Variants in POLN observed in about 807,000 individuals in gnomAD.
The protein encoded by POLN is DNA polymerase nu, also known as DNA polymerase N.
POLN carries 108 observed loss-of-function variants against 113.5 expected under a neutral mutation model. The ratio of observed to expected loss-of-function variants is 0.95; its 90% CI spans 0.81 to 1.12. POLN has a LOEUF of 1.12. POLN is among the 50% of genes most tolerant of loss of function. POLN has a pLI of 0.00. For synonymous variants in POLN, 386 were observed against 391.5 expected, an observed-to-expected ratio of 0.99 and a Z score of 0.17; for missense variants, 1,097 against 1,077.1, an observed-to-expected ratio of 1.02 and a Z score of -0.26.
At chr4:2,203,044 T>C (rs888781235) in intron 5 of POLN, among the ~76,000 whole-genome samples, 3 of 152,148 alleles carry the variant, frequency 2.0e-5, no homozygotes, top group Admixed American at 1.3e-4. Flanking sequence ...CCACAGAATA[T>C]ACATTCTATT....
chr4:2,137,180 G>C (rs1466520038), intron 16 of POLN, among the ~76,000 whole-genome samples: 2 of 152,240 alleles, frequency 1.3e-5, no homozygotes, highest in African/African-American at 4.8e-5. Context: ...ACCTAGCAAA[G>C]AAGGTGCTGC....
chr4:2,161,940 A>T (rs1028704531), intron 13 of POLN, among the ~76,000 whole-genome samples: 1 of 152,102 alleles, frequency 6.6e-6, no homozygotes, highest in Non-Finnish European at 1.5e-5. Context: ...CTCTGTATCT[A>T]GCTAATCTGG....
chr4:2,169,724 C>T (rs1732814144), intron 13 of POLN, among the ~76,000 whole-genome samples: 1 of 152,202 alleles, frequency 6.6e-6, no homozygotes, highest in Non-Finnish European at 1.5e-5. Flanking sequence ...GATGGCTGAC[C>T]CCACTGCCCT....
chr4:2,191,985 C>A (rs1156949063), intron 7 of POLN, among the ~76,000 whole-genome samples: 1 of 151,898 alleles, frequency 6.6e-6, no homozygotes, highest in Non-Finnish European at 1.5e-5. Flanking sequence ...TGGTGGCGCA[C>A]ACCTGTAGTC....
At chr4:2,112,571 T>C (rs550626517) in intron 19 of POLN, among the ~76,000 whole-genome samples, 141 of 151,918 alleles carry the variant, frequency 9.3e-4, no homozygotes, top group African/African-American at 3.3e-3. Flanking sequence ...AAAAAGTGGG[T>C]GAAGGATATG....
chr4:2,197,182 C>T (rs779008512), intron 6 of POLN, among the ~76,000 whole-genome samples: 2 of 152,144 alleles, frequency 1.3e-5, no homozygotes, highest in Non-Finnish European at 2.9e-5. Flanking sequence ...GTGATGTGAT[C>T]TGATTTATGC....
chr4:2,076,062 C>T (rs1730267621), intron 23 of POLN, among the ~76,000 whole-genome samples: 1 of 152,202 alleles, frequency 6.6e-6, no homozygotes, highest in Non-Finnish European at 1.5e-5. Context: ...AGGCCCCAGC[C>T]AAGCCCCACC....
rs888092219 is a variant in POLN at position 2,079,885 on chromosome 4, G to A, written c.2387+1073C>T. Reference sequence around the variant, plus strand: ...CAGGCGTGAGCCACTGTGCCCAGCCGAGAGTGAATCTTCTAATGCCCCACT... The same window carrying A: ...CAGGCGTGAGCCACTGTGCCCAGCCAAGAGTGAATCTTCTAATGCCCCACT... On this transcript the variant is annotated intron_variant, in intron 23 of 25. Transcript: ENST00000511885. 15 of 985,440 alleles carry A rather than the reference G, an allele frequency of 1.5e-5. No homozygotes were observed. In the East Asian group the frequency reaches 3.4e-4, roughly 22 times the overall value. 61.0% of individuals were successfully genotyped at this position (985,440 alleles called of 1,614,324 possible). A position where few individuals can be genotyped will look rare whatever the true frequency, so the allele number is the denominator to read the frequency against.
chr4:2,132,876 C>T (rs182574147), intron 16 of POLN, among the ~76,000 whole-genome samples: 22 of 152,320 alleles, frequency 1.4e-4, no homozygotes, highest in African/African-American at 5.3e-4. Context: ...CAAAGGGAAA[C>T]CTGGAACTTC....
chr4:2,125,522 G>A (rs954701484), intron 19 of POLN, among the ~76,000 whole-genome samples: 1 of 152,184 alleles, frequency 6.6e-6, no homozygotes, highest in Non-Finnish European at 1.5e-5. Context: ...CAGTCCACAT[G>A]GCCTGAATTT....
intron 2 of POLN, chr4:2,231,373 G>C (rs1052792558): frequency 1.3e-5 from 2 of 152,450 alleles, no homozygotes; most frequent in South Asian, 4.1e-4. Context: ...GGCCGGGAGA[G>C]GGGATCAAGA....
At chr4:2,147,643 C>CTTTTTTTTTCT (rs1553897845) in intron 16 of POLN, among the ~76,000 whole-genome samples, 2 of 79,358 alleles carry the variant, frequency 2.5e-5, no homozygotes, top group Non-Finnish European at 5.1e-5. Context: ...TTTTTCTTTT[C>CTTTTTTTTTCT]TTTTTTTTTT....
chr4:2,118,744 T>C (rs1731375215), intron 19 of POLN, among the ~76,000 whole-genome samples: 1 of 152,264 alleles, frequency 6.6e-6, no homozygotes, highest in South Asian at 2.1e-4. Flanking sequence ...GGCCAGGTTA[T>C]GCTACCATGA....
intron 23 of POLN, chr4:2,080,040 C>A (rs1377297623): frequency 1.0e-6 from 1 of 985,242 alleles, no homozygotes; most frequent in Non-Finnish European, 1.2e-6. Flanking sequence ...CTTGAGGGCT[C>A]TTAGGGTGGG....
At chr4:2,213,161 T>C in intron 3 of POLN, 35 bp from the exon 4 acceptor site, 1 of 1,384,810 alleles carries the variant, frequency 7.2e-7, no homozygotes, top group Non-Finnish European at 1.0e-6. Context: ...CATGGGGCAT[T>C]AAAGAAACAT....
rs1411595489 is a variant in POLN at position 2,159,142 on chromosome 4, A to C, written c.1611+13T>G. 1 of 1,590,342 alleles carries C rather than the reference A, an allele frequency of 6.3e-7. No homozygotes were observed. ...TCACCTTTTACCTTTTACGTACAAA[A>C]AAATTAACTTACCTGCCTGTATTCC... On this transcript the variant is annotated intron_variant, in intron 14 of 25. Transcript: ENST00000511885.
chr4:2,146,790 C>T (rs1379073199), intron 16 of POLN, among the ~76,000 whole-genome samples: 4 of 152,012 alleles, frequency 2.6e-5, no homozygotes, highest in African/African-American at 9.7e-5. Context: ...AGTATCTCGA[C>T]AGAGGTAACA....
At chr4:2,178,145 TG>T (rs1733039308) in intron 8 of POLN, among the ~76,000 whole-genome samples, 1 of 152,214 alleles carries the variant, frequency 6.6e-6, no homozygotes, top group Non-Finnish European at 1.5e-5. Context: ...CCCAGCTCAG[TG>T]CCTGGTGCCT....
Position 2,208,493 on chromosome 4 carries a change from G to C in POLN, c.214-6C>G, listed in dbSNP as rs1395741773. The C allele has an allele frequency of 6.7e-7, 1 of 1,501,556 alleles. No individual in the cohort carries two copies. Among genetic ancestry groups the C allele is most frequent in the Admixed American group, 2.3e-5 (1 of 43,988 alleles). 93.0% of individuals were successfully genotyped at this position (1,501,556 alleles called of 1,614,324 possible). A position where few individuals can be genotyped will look rare whatever the true frequency, so the allele number is the denominator to read the frequency against. On this transcript the variant is annotated splice_polypyrimidine_tract_variant and splice_region_variant and intron_variant, in intron 4 of 25. Coordinates refer to ENST00000511885, the MANE Select transcript of POLN (RefSeq NM_181808.4). ...CTTCTTAAAGATTTAAGATCCTACA[G>C]AAAAATGGAAAATATTTCATTAGAA...
Sources: gnomAD v4.1 joint callset for allele counts (sites outside exome capture counted in the v4.1 genomes callset) on GRCh38, gnomAD v4.1.1 for gene constraint, MANE v1.5 for transcripts, NCBI Gene and HGNC (gene_info 2026-07-23, HGNC 2026-07-21) for gene names.